AGTPBP1: variants seen among roughly 807,000 people sequenced by gnomAD.
AGTPBP1 encodes the protein cytosolic carboxypeptidase 1.
AGTPBP1 carries 70 observed loss-of-function variants against 143.9 expected under a neutral mutation model. The ratio of observed to expected loss-of-function variants is 0.49; its 90% CI spans 0.40 to 0.59. The LOEUF is 0.59. AGTPBP1 is among the 20% of genes least tolerant of loss of function. The pLI is 0.00. For synonymous variants in AGTPBP1, 463 were observed against 500.2 expected, an observed-to-expected ratio of 0.93 and a Z score of 0.99; for missense variants, 1,229 against 1,464.5, an observed-to-expected ratio of 0.84 and a Z score of 2.62.
At chr9:85,719,014 T>C (rs1837920580) in intron 1 of AGTPBP1, among the ~76,000 whole-genome samples, 1 of 152,196 alleles carries the variant, frequency 6.6e-6, no homozygotes, top group African/African-American at 2.4e-5. Flanking sequence ...CTCTGTTCTG[T>C]TCCATTGGTC....
chr9:85,720,255 C>T (rs1393466208), intron 1 of AGTPBP1, among the ~76,000 whole-genome samples: 1 of 152,128 alleles, frequency 6.6e-6, no homozygotes, highest in Non-Finnish European at 1.5e-5. Context: ...CCTCTTTGTA[C>T]CTCTGGTAGA....
chr9:85,670,934 G>T (rs1031132795), intron 7 of AGTPBP1, among the ~76,000 whole-genome samples: 7 of 151,924 alleles, frequency 4.6e-5, no homozygotes, highest in Admixed American at 2.0e-4. Context: ...ACATTTGGGG[G>T]TTTTTGTTGC....
intron 2 of AGTPBP1, among the ~76,000 whole-genome samples, chr9:85,700,232 G>A (rs140066201): frequency 1.3e-5 from 2 of 152,232 alleles, no homozygotes; most frequent in Non-Finnish European, 2.9e-5. Context: ...CTACCAAAAC[G>A]AACAACTCCA....
chr9:85,712,556 T>C lies in AGTPBP1; in HGVS notation c.-23A>G, dbSNP rs1331210204. On this transcript the variant is annotated 5_prime_UTR_variant, in exon 2 of 26. Coordinates refer to ENST00000357081, the MANE Select transcript of AGTPBP1 (RefSeq NM_001330701.2). ...CATCTTGAGTTACTTCATTTCATAA[T>C]TGCAGATAATCTAAAAGAAAAATGT... 1.3e-5 allele frequency: 19 copies of C among 1,450,990 alleles called. 1 individual carries two copies. Among genetic ancestry groups the C allele is most frequent in the African/African-American group, 1.1e-4 (8 of 70,146 alleles). 89.9% of individuals were successfully genotyped at this position (1,450,990 alleles called of 1,614,324 possible). A position where few individuals can be genotyped will look rare whatever the true frequency, so the allele number is the denominator to read the frequency against.
intron 6 of AGTPBP1, among the ~76,000 whole-genome samples, chr9:85,675,430 GTCT>G (rs1161641414): frequency 1.3e-5 from 2 of 151,774 alleles, no homozygotes; most frequent in Admixed American, 1.3e-4. Flanking sequence ...TTCTATTTTT[GTCT>G]TCTTAACTAA....
chr9:85,570,892 G>A (rs929017604), intron 25 of AGTPBP1, among the ~76,000 whole-genome samples: 1 of 152,172 alleles, frequency 6.6e-6, no homozygotes, highest in Non-Finnish European at 1.5e-5. Context: ...CAGAAGATTA[G>A]TTACACACAG....
the AGTPBP1 span, among the ~76,000 whole-genome samples, chr9:85,769,716 T>A: frequency 6.6e-6 from 1 of 152,008 alleles, no homozygotes; most frequent in Non-Finnish European, 1.5e-5. Flanking sequence ...TGCCATATTG[T>A]GCTTTTTTAT....
rs535923304 is a variant in AGTPBP1, at chr9:85,573,796, AC to A, written c.3503+1518del. On this transcript the variant is annotated intron_variant, in intron 25 of 25. Coordinates refer to ENST00000357081, the MANE Select transcript of AGTPBP1 (RefSeq NM_001330701.2). ...TGAGGAGCGCCTCTGCCCGGCAGCG[AC>A]CCCGTCTGGGAGGTGAGGAGCGTCT... 9.9e-5 allele frequency among the ~76,000 whole-genome samples: 14 copies of A among 141,878 alleles called. 1 individual carries two copies. The South Asian group carries it at 1.6e-3, about 17-fold the overall frequency. The allele number at this position is 141,878 out of a possible 152,430, so 93.1% of individuals were successfully genotyped here. A position where few individuals can be genotyped will look rare whatever the true frequency, so the allele number is the denominator to read the frequency against.
chr9:85,654,811 C>CCA (rs1477667205), intron 11 of AGTPBP1, among the ~76,000 whole-genome samples: 3 of 151,756 alleles, frequency 2.0e-5, no homozygotes, highest in Non-Finnish European at 4.4e-5. Flanking sequence ...CCACTGCACT[C>CCA]CACCCTGGGC....
At chr9:85,672,115 G>C (rs1834520227) in intron 7 of AGTPBP1, among the ~76,000 whole-genome samples, 1 of 151,508 alleles carries the variant, frequency 6.6e-6, no homozygotes, top group Non-Finnish European at 1.5e-5. Flanking sequence ...CTATCACCCA[G>C]GCTGGAGTGC....
At chr9:85,616,634 ATTAAT>A (rs1179616963) in intron 17 of AGTPBP1, among the ~76,000 whole-genome samples, 1 of 151,974 alleles carries the variant, frequency 6.6e-6, no homozygotes, top group East Asian at 1.9e-4. Context: ...TACCAATAAA[ATTAAT>A]TTAATTAATT....
chr9:85,759,001 A>G, the AGTPBP1 span, among the ~76,000 whole-genome samples: 3 of 152,190 alleles, frequency 2.0e-5, no homozygotes, highest in African/African-American at 7.2e-5. Context: ...CTTTAAACTA[A>G]CAAAGATCAA....
the AGTPBP1 span, among the ~76,000 whole-genome samples, chr9:85,766,684 A>T: frequency 2.6e-5 from 4 of 152,044 alleles, no homozygotes; most frequent in Non-Finnish European, 5.9e-5. Flanking sequence ...TTTCTTCCAC[A>T]TGGTTGGTTC....
At chr9:85,757,501 G>T in the AGTPBP1 span, among the ~76,000 whole-genome samples, 83,656 of 151,644 alleles carry the variant, frequency 0.55, 24,901 homozygotes, top group Non-Finnish European at 0.69. Context: ...TACAAAAAAA[G>T]AAAAGATGGA....
At chr9:85,794,217 TATC>T in the AGTPBP1 span, among the ~76,000 whole-genome samples, 1 of 152,196 alleles carries the variant, frequency 6.6e-6, no homozygotes, top group Non-Finnish European at 1.5e-5. Flanking sequence ...AAGAAGCAAG[TATC>T]ATAAATTGTA....
In AGTPBP1 at chr9:85,599,110, A is replaced by AACACACACACACAC. The variant is rs57074552; in HGVS notation, c.2336-2675_2336-2662dup. 9.4e-3 allele frequency among the ~76,000 whole-genome samples: 1,273 copies of AACACACACACACAC among 135,448 alleles called. 19 individuals are homozygous for AACACACACACACAC. Among genetic ancestry groups the AACACACACACACAC allele is most frequent in the East Asian group, 0.041 (174 of 4,224 alleles). 88.9% of individuals were successfully genotyped at this position (135,448 alleles called of 152,430 possible). A position where few individuals can be genotyped will look rare whatever the true frequency, so the allele number is the denominator to read the frequency against. Reference sequence around the variant, plus strand: ...CCATTCGTTTTCAACCTTGTCACTGAACACACACACACACACACACACACA... The same window carrying AACACACACACACAC: ...CCATTCGTTTTCAACCTTGTCACTGAACACACACACACACACACACACACACACACACACACACA... On this transcript the variant is annotated intron_variant, in intron 17 of 25. Transcript: ENST00000357081.
chr9:85,621,992 A>G (rs1032322267), intron 14 of AGTPBP1, among the ~76,000 whole-genome samples: 1 of 152,192 alleles, frequency 6.6e-6, no homozygotes, highest in African/African-American at 2.4e-5. Context: ...AATAATCACC[A>G]AACTGTGTCA....
intron 11 of AGTPBP1, among the ~76,000 whole-genome samples, chr9:85,653,422 T>C (rs1288672365): frequency 6.6e-6 from 1 of 152,160 alleles, no homozygotes; most frequent in African/African-American, 2.4e-5. Flanking sequence ...AAGAAAAATA[T>C]AATTTCTTGT....
chr9:85,636,368 T>G (rs1343543789), intron 13 of AGTPBP1, among the ~76,000 whole-genome samples: 2 of 151,226 alleles, frequency 1.3e-5, no homozygotes, highest in Non-Finnish European at 2.9e-5. Context: ...TTCAAGCAAT[T>G]CTCTCTGCCT....
Sources: gnomAD v4.1 joint callset for allele counts (sites outside exome capture counted in the v4.1 genomes callset) on GRCh38, gnomAD v4.1.1 for gene constraint, MANE v1.5 for transcripts, NCBI Gene and HGNC (gene_info 2026-07-23, HGNC 2026-07-21) for gene names.